ANKS1B: variants seen among roughly 807,000 people sequenced by gnomAD.
ANKS1B encodes the protein ankyrin repeat and sterile alpha motif domain-containing protein 1B.
ANKS1B carries 36 observed loss-of-function variants against 148.3 expected under a neutral mutation model. That is an observed-to-expected ratio of 0.24 (90% CI 0.19 to 0.32). The LOEUF (loss-of-function observed/expected upper bound fraction) is 0.32. Ranked by LOEUF, ANKS1B falls within the 10% of genes least tolerant of loss-of-function variation. ANKS1B has a pLI of 1.00. For synonymous variants in ANKS1B, 542 were observed against 560.8 expected, an observed-to-expected ratio of 0.97 and a Z score of 0.47; for missense variants, 1,157 against 1,542.6, an observed-to-expected ratio of 0.75 and a Z score of 4.19.
At chr12:99,612,438 A>C (rs2153347795) in intron 9 of ANKS1B, among the ~76,000 whole-genome samples, 1 of 152,184 alleles carries the variant, frequency 6.6e-6, no homozygotes, top group South Asian at 2.1e-4. Context: ...TATTATCTCC[A>C]CTTAACATCT....
Position 99,462,340 on chromosome 12 carries a change from C to T in ANKS1B, c.1439-18531G>A, listed in dbSNP as rs115875994. Among the ~76,000 whole-genome samples, 407 of 152,290 alleles carry T rather than the reference C, an allele frequency of 2.7e-3. 1 individual carries two copies. Among genetic ancestry groups the T allele is most frequent in the African/African-American group, 9.4e-3 (392 of 41,550 alleles). ...CAAGTGTATAATAGTCCTGTCCTATCGCCAACTTGGAATGACTTTGAAGAG... is the reference window on the plus strand; with the variant it reads ...CAAGTGTATAATAGTCCTGTCCTATTGCCAACTTGGAATGACTTTGAAGAG... On this transcript the variant is annotated intron_variant, in intron 10 of 26. Transcript: ENST00000683438.
chr12:99,803,118 T>C (rs529643441), intron 4 of ANKS1B, among the ~76,000 whole-genome samples: 2 of 152,060 alleles, frequency 1.3e-5, no homozygotes, highest in Non-Finnish European at 2.9e-5. Context: ...GTTTAATGAA[T>C]ATTAAATCTA....
chr12:99,198,336 C>G (rs947731228), intron 14 of ANKS1B, among the ~76,000 whole-genome samples: 1 of 152,214 alleles, frequency 6.6e-6, no homozygotes, highest in South Asian at 2.1e-4. Flanking sequence ...AATCATTGCA[C>G]TGGTTACTCA....
At chr12:98,739,657 TTTTCC>T (rs1181424092), downstream of ANKS1B, among the ~76,000 whole-genome samples, 2 of 152,166 alleles carry the variant, frequency 1.3e-5, no homozygotes, top group African/African-American at 2.4e-5. Flanking sequence ...CCCCTTCTCC[TTTTCC>T]TTTCATTTGA....
intron 15 of ANKS1B, among the ~76,000 whole-genome samples, chr12:99,150,438 T>C (rs1169654807): frequency 6.6e-6 from 1 of 152,132 alleles, no homozygotes; most frequent in Non-Finnish European, 1.5e-5. Flanking sequence ...GAGCCTGTTC[T>C]GTACTGCAGC....
intron 9 of ANKS1B, among the ~76,000 whole-genome samples, chr12:99,592,298 C>A (rs551876148): frequency 2.2e-4 from 34 of 151,990 alleles, no homozygotes; most frequent in African/African-American, 8.2e-4. Flanking sequence ...ATTCACAGAA[C>A]GGAAGGACAG....
intron 14 of ANKS1B, among the ~76,000 whole-genome samples, chr12:99,164,344 T>C (rs1448608039): frequency 6.6e-6 from 1 of 152,168 alleles, no homozygotes; most frequent in Non-Finnish European, 1.5e-5. Flanking sequence ...AATGGGCAAA[T>C]ACAATTTGGA....
chr12:98,967,342 T>C (rs985417220), intron 17 of ANKS1B, among the ~76,000 whole-genome samples: 2 of 152,134 alleles, frequency 1.3e-5, no homozygotes, highest in Non-Finnish European at 2.9e-5. Flanking sequence ...GCTCTTATCA[T>C]TGAGCAGCTC....
At chr12:99,413,286 G>A (rs1284178209) in intron 11 of ANKS1B, among the ~76,000 whole-genome samples, 1 of 152,154 alleles carries the variant, frequency 6.6e-6, no homozygotes, top group African/African-American at 2.4e-5. Flanking sequence ...TGGGAGAGAT[G>A]AAATTAAAAT....
At chr12:99,760,254 G>C (rs939769524) in intron 8 of ANKS1B, among the ~76,000 whole-genome samples, 1 of 151,408 alleles carries the variant, frequency 6.6e-6, no homozygotes, top group Admixed American at 6.6e-5. Flanking sequence ...ACCTGCACAG[G>C]GAACATACTC....
At chr12:99,758,323 C>T (rs1286738285) in intron 8 of ANKS1B, among the ~76,000 whole-genome samples, 1 of 151,826 alleles carries the variant, frequency 6.6e-6, no homozygotes, top group Non-Finnish European at 1.5e-5. Context: ...GAGACTAAGA[C>T]AAAATGGGAA....
intron 8 of ANKS1B, among the ~76,000 whole-genome samples, chr12:99,683,895 G>C (rs2098635186): frequency 6.6e-6 from 1 of 152,038 alleles, no homozygotes; most frequent in Admixed American, 6.6e-5. Flanking sequence ...AAAAGCATTT[G>C]ACAAAATCCA....
intron 9 of ANKS1B, among the ~76,000 whole-genome samples, chr12:99,564,777 T>G (rs961327198): frequency 2.0e-5 from 3 of 152,172 alleles, no homozygotes; most frequent in Admixed American, 1.3e-4. Context: ...TCCTTGTTGC[T>G]ATATCTTGAA....
At chr12:99,598,985 T>A (rs1437709850) in intron 9 of ANKS1B, among the ~76,000 whole-genome samples, 1 of 152,040 alleles carries the variant, frequency 6.6e-6, no homozygotes, top group Non-Finnish European at 1.5e-5. Flanking sequence ...TTTTTCAGCT[T>A]CTGGTGACTG....
intron 22 of ANKS1B, among the ~76,000 whole-genome samples, chr12:98,787,876 C>T (rs1490292127): frequency 6.6e-6 from 1 of 150,956 alleles, no homozygotes; most frequent in Non-Finnish European, 1.5e-5. Context: ...GCTGAGTCGG[C>T]ACCACTACAC....
At chr12:99,543,340 G>A (rs1054485589) in intron 9 of ANKS1B, among the ~76,000 whole-genome samples, 1 of 152,080 alleles carries the variant, frequency 6.6e-6, no homozygotes, top group Non-Finnish European at 1.5e-5. Flanking sequence ...GCAAGGATAT[G>A]GAAAAATTGG....
chr12:99,909,583 ATCTG>A (rs1257228329), intron 1 of ANKS1B, among the ~76,000 whole-genome samples: 1 of 152,130 alleles, frequency 6.6e-6, no homozygotes, highest in African/African-American at 2.4e-5. Context: ...ATTTTATTCC[ATCTG>A]TCTATGTGTC....
At chr12:99,874,047 G>C (rs2091837660) in intron 1 of ANKS1B, among the ~76,000 whole-genome samples, 1 of 139,426 alleles carries the variant, frequency 7.2e-6, no homozygotes, top group African/African-American at 3.2e-5. Context: ...ATATCCTGTT[G>C]GTTCTGTTTC....
At chr12:99,403,152 C>CT (rs143800860) in intron 11 of ANKS1B, among the ~76,000 whole-genome samples, 1,836 of 73,182 alleles carry the variant, frequency 0.025, 260 homozygotes, top group Non-Finnish European at 0.035. Flanking sequence ...ACTTTTCTTT[C>CT]TTTTTTTTTT....
Sources: allele counts gnomAD v4.1 joint callset (sites outside exome capture counted in the v4.1 genomes callset), GRCh38; gene constraint gnomAD v4.1.1; transcripts MANE v1.5; gene names NCBI Gene and HGNC (gene_info 2026-07-23, HGNC 2026-07-21).